REV3L: variants seen among roughly 807,000 people sequenced by gnomAD.
The protein encoded by REV3L is REV3 like, DNA directed polymerase zeta catalytic subunit.
Under a neutral mutation model 299.4 loss-of-function variants are expected in REV3L, and 69 were observed. The ratio of observed to expected loss-of-function variants is 0.23; its 90% CI spans 0.19 to 0.28. The LOEUF is 0.28. Ranked by LOEUF, REV3L falls within the 10% of genes least tolerant of loss-of-function variation. REV3L has a pLI of 1.00. For missense variants in REV3L, 3,128 were observed against 3,693.8 expected (o/e 0.85, Z 3.97); for synonymous variants, 1,238 against 1,271.4 (o/e 0.97, Z 0.56).
intron 1 of REV3L, among the ~76,000 whole-genome samples, chr6:111,476,224 T>C (rs1374151490): frequency 6.6e-6 from 1 of 152,184 alleles, no homozygotes; most frequent in Admixed American, 6.5e-5. Context: ...CATACAATCA[T>C]GGCTCACTGC....
Position 111,373,287 on chromosome 6 carries a change from C to A in REV3L, c.5068G>T (p.Ala1690Ser). Residue 1690 changes from alanine (A) to serine (S), a missense_variant, in exon 13 of 32, where the codon GCT becomes TCT. Ala to Ser is a moderately conservative substitution (Grantham distance 99, BLOSUM62 1). This residue lies in a region of REV3L where 2,409 missense variants were observed against 2,611.8 expected (regional missense o/e 0.92). Transcript: ENST00000368802. ...DAVQDLFPGQ[A>S]IEKNEFLSHD... The stretch of plus-strand genomic sequence containing the variant: ...CTTAAAAACTCATTTTTTTCTATAG[C>A]TTGTCCTGGAAAAAGATCCTGAACA... 1 of 1,614,028 alleles carries A rather than the reference C, an allele frequency of 6.2e-7. No homozygotes were observed. Among genetic ancestry groups the A allele is most frequent in the Non-Finnish European group, 8.5e-7 (1 of 1,179,996 alleles).
rs1779983956 is a variant in REV3L at position 111,373,298 on chromosome 6, A to G, written c.5057T>C (p.Phe1686Ser). Residue 1686 changes from phenylalanine (F) to serine (S), a missense_variant, in exon 13 of 32, where the codon TTT becomes TCT. By Grantham distance (155) the Phe-to-Ser change is radical. This residue lies in a region of REV3L where 2,409 missense variants were observed against 2,611.8 expected (regional missense o/e 0.92). Coordinates refer to ENST00000368802, the MANE Select transcript of REV3L (RefSeq NM_001372078.1). ...KFLSDAVQDL[F>S]PGQAIEKNEF... Reference sequence around the variant, plus strand: ...ATTTTTTTCTATAGCTTGTCCTGGAAAAAGATCCTGAACAGCATCACTTAG... The same window carrying G: ...ATTTTTTTCTATAGCTTGTCCTGGAGAAAGATCCTGAACAGCATCACTTAG... The G allele has an allele frequency of 6.2e-7, 1 of 1,614,096 alleles. No individual in the cohort carries two copies. Among genetic ancestry groups the G allele is most frequent in the Non-Finnish European group, 8.5e-7 (1 of 1,180,002 alleles).
At chr6:111,370,182 A>T (rs1779664316) in intron 13 of REV3L, among the ~76,000 whole-genome samples, 1 of 152,208 alleles carries the variant, frequency 6.6e-6, no homozygotes, top group South Asian at 2.1e-4. Context: ...TTTTTATTTT[A>T]GCTGCAGGAC....
chr6:111,307,523 T>C lies in REV3L; in HGVS notation c.9090A>G (p.Lys3030=). 1 of 1,614,216 alleles carries C rather than the reference T, an allele frequency of 6.2e-7. No homozygotes were observed. The highest frequency in any genetic ancestry group is 8.5e-7 in the Non-Finnish European group (1 of 1,180,032). The change falls in exon 31 of 32, where the codon AAA becomes AAG. Residue 3030 remains lysine (K), a synonymous_variant. Coordinates refer to ENST00000368802, the MANE Select transcript of REV3L (RefSeq NM_001372078.1). ...TAGTAAAATATTGTGAAATAGTGCC[T>C]TTCCGCCCTTCAGGTTCACTTCGCG... ...SSSRSEPEGR[K]GTISQYFTTL...
At chr6:111,473,017 T>C (rs1792438258) in intron 1 of REV3L, among the ~76,000 whole-genome samples, 1 of 152,238 alleles carries the variant, frequency 6.6e-6, no homozygotes, top group Non-Finnish European at 1.5e-5. Flanking sequence ...CAAAGTTTAC[T>C]GTTCCTTAAC....
chr6:111,309,860 A>G lies in REV3L; in HGVS notation c.9035T>C (p.Leu3012Ser), dbSNP rs761135591. 6.2e-7 allele frequency: 1 copy of G among 1,613,588 alleles called. No individual in the cohort carries two copies. Among genetic ancestry groups the G allele is most frequent in the Non-Finnish European group, 8.5e-7 (1 of 1,179,704 alleles). The change falls in exon 30 of 32, where the codon TTA becomes TCA. Residue 3012 changes from leucine to serine, a missense_variant. By Grantham distance (145) the Leu-to-Ser change is moderately radical. Transcript: ENST00000368802. ...ACTATTTGGTAAGCTTACCCTTGGT[A>G]ATTCATGATACCAGCTGAAGACATC... ...GIDVFSWYHE[L>S]PRIHKATSSS...
In REV3L at chr6:111,363,990, A is replaced by C. The variant is rs3218588; in HGVS notation, c.6754-12T>G. The C allele has an allele frequency of 4.3e-3, 6,741 of 1,584,944 alleles. 13 individuals carry two copies. The highest frequency in any genetic ancestry group is 5.4e-3 in the Non-Finnish European group (6,308 of 1,164,812). On this transcript the variant is annotated splice_polypyrimidine_tract_variant and intron_variant, in intron 15 of 31. Coordinates refer to ENST00000368802, the MANE Select transcript of REV3L (RefSeq NM_001372078.1). ...GCTGCAAATTGATTCTATAAAAAAA[A>C]ACACACACACACACAGCCAGAAAAA...
At position 111,390,076 on chromosome 6, in the gene REV3L, G is replaced by A. The variant is rs767431763; in HGVS notation, c.757+10C>T. ...ATAAAAACATATATTAAGAATAATT[G>A]TGTATGAACCTTCAATGTCCAGACG... is the stretch of plus-strand genomic sequence containing the variant. On this transcript the variant is annotated intron_variant, in intron 6 of 31. Transcript: ENST00000368802. 5 of 1,550,488 alleles carry A rather than the reference G, an allele frequency of 3.2e-6. No individual in the cohort carries two copies. The highest frequency in any genetic ancestry group is 4.5e-6 in the Non-Finnish European group (5 of 1,123,038).
intron 1 of REV3L, chr6:111,472,176 T>A (rs1327462980): frequency 1.6e-6 from 2 of 1,245,926 alleles, no homozygotes; most frequent in Non-Finnish European, 2.1e-6. Context: ...TTTCTTGTTC[T>A]GAGAAACTGC....
Position 111,372,988 on chromosome 6 carries a change from G to A in REV3L, c.5367C>T (p.Ser1789=), listed in dbSNP as rs1227664013. ...RSSVSKEVFL[S]LPQPNNSDWI... is the part of the protein sequence containing the mutation. ...AGTCTGAATTGTTTGGCTGTGGGAG[G>A]CTAAGAAACACTTCTTTGCTTACTG... is the stretch of plus-strand genomic sequence containing the variant. The change falls in exon 13 of 32, where the codon AGC becomes AGT. Residue 1789 remains serine, a synonymous_variant. Coordinates refer to ENST00000368802, the MANE Select transcript of REV3L (RefSeq NM_001372078.1). The A allele has an allele frequency of 6.2e-7, 1 of 1,614,034 alleles. No individual in the cohort carries two copies.
At position 111,349,243 on chromosome 6, in the gene REV3L, T is replaced by C; in HGVS notation, c.7394A>G (p.Asn2465Ser). The change falls in exon 20 of 32, where the codon AAT (asparagine) becomes AGT (serine). Residue 2465 changes from asparagine to serine, a missense_variant. Physicochemically the swap from Asn to Ser is conservative, Grantham distance 46. Around this residue, in one of 9 missense-constraint regions of REV3L, gnomAD observed 149 missense variants for 286.4 expected, o/e 0.52. Transcript: ENST00000368802. ...CTCATTTCTCATGATTCTCCAAAGA[T>C]TTAGTGTAATTCGGCCAACAATATT... ...EINIVGRITLNLWRIMRNEVA... is the reference protein window; with the variant it reads ...EINIVGRITLSLWRIMRNEVA... 1 of 1,585,458 alleles carries C rather than the reference T, an allele frequency of 6.3e-7. No homozygotes were observed. Among genetic ancestry groups the C allele is most frequent in the Non-Finnish European group, 8.7e-7 (1 of 1,155,524 alleles).
intron 27 of REV3L, among the ~76,000 whole-genome samples, chr6:111,313,790 C>A (rs566654140): frequency 2.0e-5 from 3 of 152,138 alleles, no homozygotes; most frequent in African/African-American, 4.8e-5. Context: ...TTTATTTTTC[C>A]GGATCTATCT....
At chr6:111,330,987 T>C (rs1486166101) in intron 24 of REV3L, 1 of 985,166 alleles carries the variant, frequency 1.0e-6, no homozygotes, top group East Asian at 1.1e-4. Context: ...CAGAATGAAT[T>C]TGAGGGCTGG....
At chr6:111,329,791 T>A (rs1209474494) in intron 24 of REV3L, 53 bp from the exon 25 acceptor site, 2 of 1,357,212 alleles carry the variant, frequency 1.5e-6, no homozygotes, top group African/African-American at 2.9e-5. Context: ...TAGATTTACA[T>A]AATTAAGAAG....
intron 1 of REV3L, among the ~76,000 whole-genome samples, chr6:111,472,432 T>A (rs1203082226): frequency 3.3e-5 from 5 of 152,074 alleles, no homozygotes; most frequent in African/African-American, 4.8e-5. Context: ...ATTTTTGAGG[T>A]AACACTCTTT....
Position 111,382,524 on chromosome 6 carries a change from C to T in REV3L, c.1097-1080G>A, listed in dbSNP as rs533792580. ...GACACGGTATAGAATTTAGCCAGCA[C>T]CCATGAGGAGAGGATTTGACCAGCC... is the stretch of plus-strand genomic sequence containing the variant. On this transcript the variant is annotated intron_variant, in intron 9 of 31. Transcript: ENST00000368802. Among the ~76,000 whole-genome samples the T allele has an allele frequency of 8.5e-4, 130 of 152,298 alleles. 3 individuals carry two copies. In the South Asian group the frequency reaches 0.026, roughly 30 times the overall value.
At chr6:111,430,875 TG>T (rs1786829452) in intron 1 of REV3L, 1 of 1,604,902 alleles carries the variant, frequency 6.2e-7, no homozygotes, top group Admixed American at 1.7e-5. Flanking sequence ...ACAACAATGT[TG>T]GGACTTCTCC....
chr6:111,409,172 C>G (rs556419078), intron 3 of REV3L, among the ~76,000 whole-genome samples: 3 of 152,182 alleles, frequency 2.0e-5, no homozygotes, highest in Non-Finnish European at 2.9e-5. Context: ...CAGTATATTG[C>G]TTTTGTTGAT....
At chr6:111,431,268 A>C in intron 1 of REV3L, 24 of 1,476,390 alleles carry the variant, frequency 1.6e-5, no homozygotes, top group Non-Finnish European at 2.0e-5. Flanking sequence ...TTTAGATGTC[A>C]CTGCCTGAAG....
Sources: gnomAD v4.1 joint callset for allele counts (sites outside exome capture counted in the v4.1 genomes callset) on GRCh38, gnomAD v4.1.1 for gene constraint, gnomAD v4.1.1 regional missense constraint, MANE v1.5 for transcripts, NCBI Gene and HGNC (gene_info 2026-07-23, HGNC 2026-07-21) for gene names.